The following MELK variants were observed in gnomAD, a reference collection of about 807,000 sequenced individuals.
MELK encodes the protein maternal embryonic leucine zipper kinase, also known as pEg3 kinase.
A neutral mutation model predicts 85.0 loss-of-function variants in MELK; 81 were observed. The observed-to-expected ratio is 0.95, with a 90% CI of 0.80 to 1.15. MELK has a LOEUF of 1.15. Among genes scored for constraint, MELK ranks in the 50% most tolerant of loss-of-function variants. The pLI is 0.00. For synonymous variants in MELK, 252 were observed against 265.0 expected, an observed-to-expected ratio of 0.95 and a Z score of 0.48; for missense variants, 754 against 777.5, an observed-to-expected ratio of 0.97 and a Z score of 0.36.
rs11465173 is a variant in MELK at position 36,652,042 on chromosome 9, ATTTTTTTTT to A, written c.1053+179_1053+187del. Among the ~76,000 whole-genome samples, 678 of 91,398 alleles carry A rather than the reference ATTTTTTTTT, an allele frequency of 7.4e-3. 5 individuals are homozygous for A. The highest frequency in any genetic ancestry group is 0.012 in the Non-Finnish European group (569 of 49,146). The allele number at this position is 91,398 out of a possible 152,430, so 60.0% of individuals were successfully genotyped here. Reference sequence around the variant, plus strand: ...TGGGAAGTTCTGAAGTTGAACTCTAATTTTTTTTTTTTTTTTTTTTTTGAGATAGAGTCT... The same window carrying A: ...TGGGAAGTTCTGAAGTTGAACTCTAATTTTTTTTTTTTTGAGATAGAGTCT... On this transcript the variant is annotated intron_variant, in intron 12 of 17. Coordinates refer to ENST00000298048, the MANE Select transcript of MELK (RefSeq NM_014791.4).
intron 12 of MELK, among the ~76,000 whole-genome samples, chr9:36,654,951 C>T (rs1831081580): frequency 6.6e-6 from 1 of 152,090 alleles, no homozygotes; most frequent in African/African-American, 2.4e-5. Flanking sequence ...TGTTCTTCCC[C>T]TTGATAGAAT....
intron 13 of MELK, 26 bp from the exon 14 acceptor site, chr9:36,665,324 T>C: frequency 6.8e-7 from 1 of 1,470,434 alleles, no homozygotes; most frequent in South Asian, 1.2e-5. Context: ...TTCAGTGTGC[T>C]TTATCTAGTA....
chr9:36,641,602 ATTTTT>A (rs59380521), intron 10 of MELK, among the ~76,000 whole-genome samples: 5 of 126,766 alleles, frequency 3.9e-5, no homozygotes, highest in African/African-American at 1.2e-4. Flanking sequence ...ATAAAGAGAG[ATTTTT>A]TTTTTTTTTT....
intron 14 of MELK, among the ~76,000 whole-genome samples, chr9:36,667,154 C>CTT (rs150628173): frequency 3.7e-4 from 55 of 147,654 alleles, no homozygotes; most frequent in African/African-American, 1.3e-3. Flanking sequence ...CCCTTTTTTT[C>CTT]TTTTTTTTTT....
chr9:36,611,594 C>A (rs1436829951), intron 8 of MELK, among the ~76,000 whole-genome samples: 1 of 152,048 alleles, frequency 6.6e-6, no homozygotes. Context: ...TTCAGAATCT[C>A]TACTTTCTAT....
intron 8 of MELK, among the ~76,000 whole-genome samples, chr9:36,618,993 C>T (rs930569722): frequency 3.4e-5 from 5 of 145,300 alleles, no homozygotes; most frequent in African/African-American, 7.6e-5. Context: ...GAGTCTTGCT[C>T]TGTTGTCCAG....
At chr9:36,595,603 TTG>T (rs1203310276) in intron 5 of MELK, among the ~76,000 whole-genome samples, 7 of 95,652 alleles carry the variant, frequency 7.3e-5, no homozygotes, top group Non-Finnish European at 1.4e-4. Context: ...TATAAATGTC[TTG>T]TTTTTTTTTT....
rs1832260168 is a variant in MELK at position 36,665,551 on chromosome 9, A to G, written c.1378A>G (p.Thr460Ala). Residue 460 changes from threonine (T) to alanine (A), a missense_variant, in exon 14 of 18, where the codon ACG becomes GCG. Transcript: ENST00000298048. ...KNQHKREILT[T>A]PNRYTTPSKA... Reference sequence around the variant, plus strand: ...CCAGCATAAGAGAGAAATACTCACTACGCCAAATCGTTACACTACACCCTC... The same window carrying G: ...CCAGCATAAGAGAGAAATACTCACTGCGCCAAATCGTTACACTACACCCTC... 6.2e-7 allele frequency: 1 copy of G among 1,613,466 alleles called. No individual in the cohort carries two copies. Among genetic ancestry groups the G allele is most frequent in the South Asian group, 1.1e-5 (1 of 90,986 alleles).
At chr9:36,626,136 G>C (rs1816764156) in intron 8 of MELK, among the ~76,000 whole-genome samples, 1 of 152,118 alleles carries the variant, frequency 6.6e-6, no homozygotes. Context: ...TACACTAAAA[G>C]CTGATTGAGC....
At chr9:36,578,190 A>G (rs1334406437) in intron 1 of MELK, among the ~76,000 whole-genome samples, 3 of 151,700 alleles carry the variant, frequency 2.0e-5, no homozygotes, top group Admixed American at 1.3e-4. Context: ...TTTTGCTTTT[A>G]AGTCTTTACA....
intron 13 of MELK, among the ~76,000 whole-genome samples, chr9:36,662,899 T>C (rs1831993259): frequency 1.3e-5 from 2 of 152,188 alleles, no homozygotes; most frequent in South Asian, 4.1e-4. Flanking sequence ...ATCTGTGTGG[T>C]GTCTCTGTGG....
chr9:36,607,676 G>A lies in MELK; in HGVS notation c.666+3G>A. 6.4e-7 allele frequency: 1 copy of A among 1,571,628 alleles called. No individual in the cohort carries two copies. The highest frequency in any genetic ancestry group is 8.8e-7 in the Non-Finnish European group (1 of 1,141,724). ...TGGCTTTATACAAGAAGATTATGGT[G>A]AGTATTACAAGGCATAGAATTTCAA... On this transcript the variant is annotated splice_donor_region_variant and intron_variant, in intron 8 of 17. Coordinates refer to ENST00000298048, the MANE Select transcript of MELK (RefSeq NM_014791.4).
chr9:36,665,547 C>T lies in MELK; in HGVS notation c.1374C>T (p.Leu458=), dbSNP rs1832259548. Residue 458 remains leucine, a synonymous_variant, in exon 14 of 18, where the codon CTC becomes CTT. Coordinates refer to ENST00000298048, the MANE Select transcript of MELK (RefSeq NM_014791.4). ...AGAACCAGCATAAGAGAGAAATACT[C>T]ACTACGCCAAATCGTTACACTACAC... is the stretch of plus-strand genomic sequence containing the variant. ...VNKNQHKREI[L]TTPNRYTTPS... 2 of 1,613,554 alleles carry T rather than the reference C, an allele frequency of 1.2e-6. No homozygotes were observed. Among genetic ancestry groups the T allele is most frequent in the African/African-American group, 1.3e-5 (1 of 75,034 alleles).
intron 17 of MELK, among the ~76,000 whole-genome samples, chr9:36,675,160 G>A (rs1310358196): frequency 1.3e-5 from 2 of 152,172 alleles, no homozygotes; most frequent in Non-Finnish European, 2.9e-5. Context: ...GGTGGCACAT[G>A]CCTGTAGTTC....
At chr9:36,581,961 A>C (rs1404057680) in intron 2 of MELK, among the ~76,000 whole-genome samples, 1 of 143,264 alleles carries the variant, frequency 7.0e-6, no homozygotes, top group Non-Finnish European at 1.5e-5. Context: ...TATTCTAAAT[A>C]TTTCTTTTAT....
chr9:36,578,988 G>T (rs554957407), intron 1 of MELK, among the ~76,000 whole-genome samples: 10 of 132,280 alleles, frequency 7.6e-5, no homozygotes, highest in Non-Finnish European at 1.6e-4. Context: ...GATTGCAGGC[G>T]CACACCACAA....
intron 12 of MELK, 150 bp from the exon 13 acceptor site, chr9:36,657,091 G>A: frequency 2.1e-6 from 2 of 930,308 alleles, no homozygotes; most frequent in South Asian, 3.6e-5. Context: ...CTCAGTTTGT[G>A]TAAGTACATT....
chr9:36,632,476 G>T (rs1587504431), intron 9 of MELK, among the ~76,000 whole-genome samples: 4 of 152,094 alleles, frequency 2.6e-5, no homozygotes, highest in South Asian at 2.1e-4. Flanking sequence ...ATATCTTCTG[G>T]TTTTTTCATC....
At chr9:36,635,798 CTT>C (rs759256315) in intron 10 of MELK, among the ~76,000 whole-genome samples, 20 of 133,974 alleles carry the variant, frequency 1.5e-4, no homozygotes, top group Admixed American at 3.0e-4. Context: ...TTAAAAAATG[CTT>C]TTTTTTTTTT....
Sources: allele counts gnomAD v4.1 joint callset (sites outside exome capture counted in the v4.1 genomes callset), GRCh38; gene constraint gnomAD v4.1.1; transcripts MANE v1.5; gene names NCBI Gene and HGNC (gene_info 2026-07-23, HGNC 2026-07-21).